MTFR1: variants seen among roughly 807,000 people sequenced by gnomAD.
MTFR1 encodes chondrocyte protein with a poly-proline region.
Under a neutral mutation model 38.8 loss-of-function variants are expected in MTFR1, and 28 were observed. The ratio of observed to expected loss-of-function variants is 0.72; its 90% confidence interval spans 0.53 to 0.99. MTFR1 has a LOEUF of 0.99. MTFR1 is among the 50% of genes least tolerant of loss of function. MTFR1 has a pLI of 0.00. For synonymous variants in MTFR1, 145 were observed against 137.0 expected, an observed-to-expected ratio of 1.06 and a Z score of -0.41; for missense variants, 358 against 395.5, an observed-to-expected ratio of 0.91 and a Z score of 0.81.
chr8:65,724,796 T>C (rs1806541543), intron 3 of MTFR1: 1 of 1,608,384 alleles, frequency 6.2e-7, no homozygotes, highest in Non-Finnish European at 8.5e-7. Flanking sequence ...CAAATGTCTG[T>C]GTCTGGTGTC....
chr8:65,685,932 T>C (rs1299662689), intron 3 of MTFR1, among the ~76,000 whole-genome samples: 1 of 152,084 alleles, frequency 6.6e-6, no homozygotes, highest in Admixed American at 6.6e-5. Flanking sequence ...AGGGAGTCAT[T>C]GTGTGCAGAC....
intron 5 of MTFR1, 59 bp from the exon 6 acceptor site, chr8:65,706,951 C>T: frequency 6.6e-7 from 1 of 1,508,602 alleles, no homozygotes; most frequent in Non-Finnish European, 8.9e-7. Flanking sequence ...CTTTTAAAAA[C>T]TGATATTTTC....
chr8:65,665,222 C>T (rs1002465113), intron 1 of MTFR1, among the ~76,000 whole-genome samples: 2 of 152,046 alleles, frequency 1.3e-5, no homozygotes, highest in Non-Finnish European at 2.9e-5. Context: ...TATGAGCCAC[C>T]ATGCCTGGGC....
chr8:65,764,118 T>C (rs1049282908), intron 3 of MTFR1, among the ~76,000 whole-genome samples: 1 of 152,172 alleles, frequency 6.6e-6, no homozygotes, highest in Admixed American at 6.5e-5. Context: ...TGCTAATCTC[T>C]ACAAGCACCA....
chr8:65,693,419 C>T (rs1017427835), intron 3 of MTFR1, among the ~76,000 whole-genome samples: 3 of 151,674 alleles, frequency 2.0e-5, no homozygotes, highest in Non-Finnish European at 4.4e-5. Flanking sequence ...AAAAAATCAA[C>T]TTATAAAATG....
intron 1 of MTFR1, among the ~76,000 whole-genome samples, chr8:65,663,822 CT>C (rs1035579864): frequency 0.029 from 2,309 of 78,566 alleles, 15 homozygotes; most frequent in African/African-American, 0.049. Context: ...AATTTCTTTT[CT>C]TTTTTTTTTT....
intron 3 of MTFR1, among the ~76,000 whole-genome samples, chr8:65,759,124 T>C (rs1808375297): frequency 6.6e-6 from 1 of 152,210 alleles, no homozygotes; most frequent in South Asian, 2.1e-4. Context: ...TTACGTCTTT[T>C]CCAAACTATT....
In MTFR1 at chr8:65,655,969, C is replaced by CATATATATATATATATATATATATATATA; in HGVS notation, c.-81+11185_-81+11186insATATATATATATATATATATATATATATA. ...AAAAAAAAATATATATATATATATA[C>CATATATATATATATATATATATATATATA]CATATATATATATATGGTAGTGGGT... On this transcript the variant is annotated intron_variant, in intron 1 of 7. Coordinates refer to ENST00000262146, the MANE Select transcript of MTFR1 (RefSeq NM_014637.4). Among the ~76,000 whole-genome samples the CATATATATATATATATATATATATATATA allele has an allele frequency of 1.6e-4, 9 of 56,470 alleles. 1 individual carries two copies. Among genetic ancestry groups the CATATATATATATATATATATATATATATA allele is most frequent in the African/African-American group, 9.1e-4 (9 of 9,844 alleles). 37.0% of individuals were successfully genotyped at this position (56,470 alleles called of 152,430 possible).
intron 3 of MTFR1, chr8:65,727,216 T>G: frequency 6.2e-7 from 1 of 1,613,614 alleles, no homozygotes; most frequent in South Asian, 1.1e-5. Context: ...AAGGAAAGGT[T>G]GATTAACACC....
downstream of MTFR1, among the ~76,000 whole-genome samples, chr8:65,772,625 A>G (rs935601253): frequency 6.6e-6 from 1 of 152,204 alleles, no homozygotes; most frequent in African/African-American, 2.4e-5. Flanking sequence ...AAACCTTAAG[A>G]TTCATAACTG....
At chr8:65,649,617 C>T (rs999363753) in intron 1 of MTFR1, among the ~76,000 whole-genome samples, 17 of 152,134 alleles carry the variant, frequency 1.1e-4, no homozygotes, top group Non-Finnish European at 2.9e-5. Context: ...GTATCCACCT[C>T]AAGTATTTAT....
chr8:65,733,881 C>T (rs1401165862), intron 3 of MTFR1, among the ~76,000 whole-genome samples: 2 of 152,116 alleles, frequency 1.3e-5, no homozygotes, highest in African/African-American at 4.8e-5. Flanking sequence ...ACACCTTAGC[C>T]AGAACTAAGA....
At chr8:65,678,661 G>A (rs1380637341) in intron 2 of MTFR1, among the ~76,000 whole-genome samples, 1 of 152,120 alleles carries the variant, frequency 6.6e-6, no homozygotes, top group Non-Finnish European at 1.5e-5. Flanking sequence ...AGCACTTTGG[G>A]AGGCCGAGAC....
At chr8:65,755,195 A>G (rs2128910793) in intron 3 of MTFR1, among the ~76,000 whole-genome samples, 1 of 151,292 alleles carries the variant, frequency 6.6e-6, no homozygotes, top group South Asian at 2.1e-4. Context: ...TAATTTTTAT[A>G]TCTTTAGTAG....
chr8:65,723,688 C>T (rs1806490628), intron 3 of MTFR1: 1 of 1,110,626 alleles, frequency 9.0e-7, no homozygotes. Flanking sequence ...TAATTAAAGG[C>T]TTGAACATAC....
rs149741139 is a variant in MTFR1, at chr8:65,767,479, G to A, written c.*49-3468G>A. Among the ~76,000 whole-genome samples the A allele has an allele frequency of 1.2e-3, 185 of 152,272 alleles. 3 individuals carry two copies. Among genetic ancestry groups the A allele is most frequent in the East Asian group, 0.011 (57 of 5,188 alleles). On this transcript the variant is annotated intron_variant, in intron 3 of 3. Transcript: ENST00000521247. ...CCTTGTTACAGTCTTTTATTAAAACGTTGGGTGTGTTAGGCCTAAGGAAAC... is the reference window on the plus strand; with the variant it reads ...CCTTGTTACAGTCTTTTATTAAAACATTGGGTGTGTTAGGCCTAAGGAAAC...
At chr8:65,721,647 A>G (rs962568704) in intron 3 of MTFR1, among the ~76,000 whole-genome samples, 1 of 152,184 alleles carries the variant, frequency 6.6e-6, no homozygotes, top group African/African-American at 2.4e-5. Context: ...AGCTTCTGTT[A>G]CCTTATAAAA....
At chr8:65,690,908 C>T (rs979550431) in intron 3 of MTFR1, among the ~76,000 whole-genome samples, 5 of 152,176 alleles carry the variant, frequency 3.3e-5, no homozygotes, top group African/African-American at 1.2e-4. Flanking sequence ...AGGATAGCCA[C>T]ATAACCCATT....
At chr8:65,758,697 T>C (rs1808350603) in intron 3 of MTFR1, among the ~76,000 whole-genome samples, 1 of 152,246 alleles carries the variant, frequency 6.6e-6, no homozygotes, top group African/African-American at 2.4e-5. Context: ...TGCCCAGTGC[T>C]GGACATTATG....
Sources: allele counts gnomAD v4.1 joint callset (sites outside exome capture counted in the v4.1 genomes callset), GRCh38; gene constraint gnomAD v4.1.1; transcripts MANE v1.5; gene names NCBI Gene and HGNC (gene_info 2026-07-23, HGNC 2026-07-21).